Variants in OXCT1 observed in about 807,000 individuals in gnomAD.
OXCT1 encodes the protein succinyl-CoA:3-ketoacid coenzyme A transferase 1, mitochondrial.
OXCT1 carries 27 observed loss-of-function variants against 69.6 expected under a neutral mutation model. That is an observed-to-expected ratio of 0.39 (90% CI 0.29 to 0.54). The LOEUF is 0.54. OXCT1 is among the 20% of genes least tolerant of loss of function. The pLI is 0.72. For missense variants in OXCT1, 437 were observed against 650.2 expected (o/e 0.67, Z 3.57); for synonymous variants, 202 against 217.8 (o/e 0.93, Z 0.64).
At chr5:41,756,505 T>C (rs1744081046) in intron 14 of OXCT1, among the ~76,000 whole-genome samples, 2 of 152,000 alleles carry the variant, frequency 1.3e-5, no homozygotes, top group African/African-American at 2.4e-5. Flanking sequence ...AACCATCTCA[T>C]GAGAGGGTTA....
rs1442224828 is a variant in OXCT1 at position 41,861,367 on chromosome 5, A to G, written c.225T>C (p.Asp75=). 1 of 1,612,768 alleles carries G rather than the reference A, an allele frequency of 6.2e-7. No homozygotes were observed. The highest frequency in any genetic ancestry group is 8.5e-7 in the Non-Finnish European group (1 of 1,179,076). Residue 75 remains aspartate (D), a synonymous_variant, in exon 3 of 17, where the codon GAT becomes GAC. Coordinates refer to ENST00000196371, the MANE Select transcript of OXCT1 (RefSeq NM_000436.4). The part of the protein sequence containing the change: ...GLCGIPENLI[D]ALLKTGVKGL... ...CTTTTACTCCAGTTTTCAGTAAAGC[A>G]TCTATAAGATTCTCTGGAATTCCAC...
At chr5:41,845,038 C>T (rs554129484) in intron 5 of OXCT1, among the ~76,000 whole-genome samples, 1 of 152,110 alleles carries the variant, frequency 6.6e-6, no homozygotes, top group African/African-American at 2.4e-5. Flanking sequence ...TTCAAAACTC[C>T]ATAGGCTTCC....
chr5:41,780,515 A>G (rs943498575), intron 13 of OXCT1, among the ~76,000 whole-genome samples: 2 of 152,352 alleles, frequency 1.3e-5, no homozygotes, highest in East Asian at 1.9e-4. Context: ...AAGTTCCTCA[A>G]TCACTACTAT....
intron 14 of OXCT1, 59 bp from the exon 15 acceptor site, chr5:41,749,666 G>T: frequency 2.0e-6 from 2 of 1,014,678 alleles, no homozygotes; most frequent in South Asian, 2.6e-5. Context: ...ATTTAGAATT[G>T]GCATAACTAT....
chr5:41,744,317 A>C (rs1158839619), intron 15 of OXCT1, among the ~76,000 whole-genome samples: 1 of 152,206 alleles, frequency 6.6e-6, no homozygotes, highest in East Asian at 1.9e-4. Flanking sequence ...TTCATTTTGT[A>C]TCCTGAGACT....
intron 13 of OXCT1, among the ~76,000 whole-genome samples, chr5:41,788,020 A>G (rs966437873): frequency 2.0e-5 from 3 of 152,208 alleles, no homozygotes; most frequent in Non-Finnish European, 2.9e-5. Flanking sequence ...ATTTTCAAAG[A>G]TTACTTAAAA....
intron 16 of OXCT1, among the ~76,000 whole-genome samples, chr5:41,737,106 TAA>T (rs1742921868): frequency 6.6e-6 from 1 of 152,236 alleles, no homozygotes. Context: ...TGTCAGAGTG[TAA>T]AGAGATGCCA....
At chr5:41,768,576 ACCT>A (rs1213784325) in intron 13 of OXCT1, among the ~76,000 whole-genome samples, 1 of 151,982 alleles carries the variant, frequency 6.6e-6, no homozygotes, top group African/African-American at 2.4e-5. Flanking sequence ...CAAATCAGAA[ACCT>A]CCTTGTCTCC....
intron 7 of OXCT1, among the ~76,000 whole-genome samples, chr5:41,821,935 T>C (rs1054569197): frequency 6.6e-5 from 10 of 152,200 alleles, no homozygotes; most frequent in African/African-American, 2.4e-4. Context: ...TTTTTAATTT[T>C]AACGAAGTCC....
At chr5:41,860,873 G>A (rs189580707) in intron 3 of OXCT1, among the ~76,000 whole-genome samples, 2 of 151,826 alleles carry the variant, frequency 1.3e-5, no homozygotes, top group Non-Finnish European at 2.9e-5. Context: ...CTTTATTTAT[G>A]ATCTAGAATG....
chr5:41,846,946 T>C (rs1276284914), intron 5 of OXCT1, among the ~76,000 whole-genome samples: 2 of 152,246 alleles, frequency 1.3e-5, no homozygotes, highest in African/African-American at 4.8e-5. Context: ...AAGTGTCTGT[T>C]CATGTCCTTC....
chr5:41,830,189 T>A (rs962506570), intron 7 of OXCT1, among the ~76,000 whole-genome samples: 6 of 152,136 alleles, frequency 3.9e-5, no homozygotes, highest in Admixed American at 3.9e-4. Context: ...GTCTAAAAAA[T>A]CAAACTGTGT....
intron 6 of OXCT1, among the ~76,000 whole-genome samples, chr5:41,840,936 G>A (rs1748600911): frequency 1.3e-5 from 2 of 152,188 alleles, no homozygotes; most frequent in African/African-American, 4.8e-5. Flanking sequence ...TGCTTCACAT[G>A]AGAAGGTACA....
At chr5:41,743,673 G>T (rs1743312256) in intron 15 of OXCT1, among the ~76,000 whole-genome samples, 1 of 152,140 alleles carries the variant, frequency 6.6e-6, no homozygotes, top group Non-Finnish European at 1.5e-5. Flanking sequence ...GCAAGGAAGG[G>T]ATCCAGTTTC....
intron 6 of OXCT1, 21 bp downstream of exon 6, chr5:41,842,654 T>C (rs915267461): frequency 1.5e-5 from 24 of 1,550,532 alleles, no homozygotes; most frequent in African/African-American, 2.7e-5. Context: ...TGCACGAGTG[T>C]TTTTAAAACT....
chr5:41,849,135 T>C (rs1434875352), intron 5 of OXCT1, among the ~76,000 whole-genome samples: 1 of 152,142 alleles, frequency 6.6e-6, no homozygotes, highest in Admixed American at 6.6e-5. Context: ...AGATGGAAGA[T>C]GCAGCTGGAG....
intron 13 of OXCT1, among the ~76,000 whole-genome samples, chr5:41,772,699 T>C (rs1485511836): frequency 1.3e-5 from 2 of 152,230 alleles, no homozygotes; most frequent in African/African-American, 4.8e-5. Flanking sequence ...TTAATAGCTA[T>C]GACATTCACA....
At chr5:41,843,595 G>C (rs1048004059) in intron 5 of OXCT1, 2 of 455,962 alleles carry the variant, frequency 4.4e-6, no homozygotes, top group Non-Finnish European at 8.8e-6. Flanking sequence ...TTTTATTCTT[G>C]ACGGTTTATT....
intron 7 of OXCT1, among the ~76,000 whole-genome samples, chr5:41,827,141 T>G (rs1747845666): frequency 6.6e-6 from 1 of 152,224 alleles, no homozygotes; most frequent in African/African-American, 2.4e-5. Flanking sequence ...AAGTCTGTTC[T>G]ACAAACAATA....
Sources: gnomAD v4.1 joint callset for allele counts (sites outside exome capture counted in the v4.1 genomes callset) on GRCh38, gnomAD v4.1.1 for gene constraint, MANE v1.5 for transcripts, NCBI Gene and HGNC (gene_info 2026-07-23, HGNC 2026-07-21) for gene names.